The following DAAM1 variants were observed in gnomAD, a reference collection of about 807,000 sequenced individuals.
DAAM1 encodes the protein disheveled-associated activator of morphogenesis 1.
A neutral mutation model predicts 130.0 loss-of-function variants in DAAM1; 52 were observed. The observed-to-expected ratio is 0.40, with a 90% confidence interval of 0.32 to 0.50. The LOEUF (loss-of-function observed/expected upper bound fraction) is 0.50, where lower values mean the gene tolerates loss of function less well. DAAM1 is among the 20% of genes least tolerant of loss of function. The pLI, the probability that DAAM1 is intolerant of heterozygous loss-of-function variation, is 0.61. For missense variants in DAAM1, 1,134 were observed against 1,303.8 expected (o/e 0.87, Z 2.01); for synonymous variants, 452 against 444.5 (o/e 1.02, Z -0.21).
intron 16 of DAAM1, among the ~76,000 whole-genome samples, chr14:59,346,086 A>G (rs1308836064): frequency 7.2e-6 from 1 of 139,614 alleles, no homozygotes. Context: ...CTTTACGTGC[A>G]TTCATTTGCT....
chr14:59,251,248 C>T (rs1418479351), intron 1 of DAAM1, among the ~76,000 whole-genome samples: 1 of 152,168 alleles, frequency 6.6e-6, no homozygotes, highest in Non-Finnish European at 1.5e-5. Flanking sequence ...ATCTGCAGGT[C>T]AAATTCTTAG....
intron 1 of DAAM1, among the ~76,000 whole-genome samples, chr14:59,260,232 C>T (rs1322289961): frequency 6.6e-6 from 1 of 152,150 alleles, no homozygotes; most frequent in East Asian, 1.9e-4. Flanking sequence ...ATGCTCATTT[C>T]CCCCTCTAAT....
intron 1 of DAAM1, among the ~76,000 whole-genome samples, chr14:59,254,061 G>A (rs796507332): frequency 1.3e-5 from 2 of 152,152 alleles, no homozygotes; most frequent in South Asian, 2.1e-4. Context: ...ACCAAAGGGT[G>A]GACTGCTTGT....
chr14:59,212,076 G>C (rs1420509676), intron 1 of DAAM1, among the ~76,000 whole-genome samples: 1 of 151,922 alleles, frequency 6.6e-6, no homozygotes, highest in African/African-American at 2.4e-5. Context: ...TTTTTAATGG[G>C]GCTGATTCTA....
At chr14:59,225,260 T>C (rs1203326056) in intron 1 of DAAM1, among the ~76,000 whole-genome samples, 5 of 152,064 alleles carry the variant, frequency 3.3e-5, no homozygotes, top group Admixed American at 3.3e-4. Context: ...TCTCTTGACC[T>C]TGTGATCTGC....
At chr14:59,269,557 C>T (rs10138516) in intron 2 of DAAM1, among the ~76,000 whole-genome samples, 1,888 of 152,292 alleles carry the variant, frequency 0.012, 41 homozygotes, top group African/African-American at 0.044. Flanking sequence ...GTGCAGCTTA[C>T]GTGAGTAAAA....
At chr14:59,302,270 G>A (rs1594809568) in intron 3 of DAAM1, among the ~76,000 whole-genome samples, 1 of 152,196 alleles carries the variant, frequency 6.6e-6, no homozygotes, top group African/African-American at 2.4e-5. Flanking sequence ...CTGGAAGAGA[G>A]TAGAAGAGAA....
At chr14:59,288,192 A>G (rs1286018486) in intron 2 of DAAM1, among the ~76,000 whole-genome samples, 1 of 152,224 alleles carries the variant, frequency 6.6e-6, no homozygotes, top group Non-Finnish European at 1.5e-5. Flanking sequence ...TATTCAATAA[A>G]TGGTGGTAGG....
intron 17 of DAAM1, among the ~76,000 whole-genome samples, chr14:59,348,136 TAA>T (rs980411037): frequency 6.6e-6 from 1 of 152,228 alleles, no homozygotes; most frequent in African/African-American, 2.4e-5. Flanking sequence ...GTCTTGGGGC[TAA>T]GTCTTAACCT....
chr14:59,190,888 G>A (rs1887711498), intron 1 of DAAM1, among the ~76,000 whole-genome samples: 2 of 152,162 alleles, frequency 1.3e-5, no homozygotes, highest in Non-Finnish European at 2.9e-5. Context: ...ATATGGACAA[G>A]GCAGCTATGT....
At chr14:59,202,264 T>C (rs903134809) in intron 1 of DAAM1, among the ~76,000 whole-genome samples, 1 of 152,170 alleles carries the variant, frequency 6.6e-6, no homozygotes, top group Non-Finnish European at 1.5e-5. Flanking sequence ...CCTCAGTCTG[T>C]TTCATGTTGC....
chr14:59,210,550 A>G (rs750609429), intron 1 of DAAM1, among the ~76,000 whole-genome samples: 1 of 152,216 alleles, frequency 6.6e-6, no homozygotes. Flanking sequence ...TACATTTTAA[A>G]TGATCTAAAA....
intron 19 of DAAM1, among the ~76,000 whole-genome samples, chr14:59,354,572 C>G (rs1057207704): frequency 3.9e-5 from 6 of 152,156 alleles, no homozygotes; most frequent in Admixed American, 3.9e-4. Context: ...TTAGCTTCCT[C>G]ACAACAGAGC....
chr14:59,340,247 A>T, intron 16 of DAAM1, 67 bp downstream of exon 16: 4 of 1,456,854 alleles, frequency 2.7e-6, no homozygotes, highest in Non-Finnish European at 3.8e-6. Context: ...TCAAAACCAC[A>T]TGTTAGTGAT....
At chr14:59,283,296 A>G (rs990847807) in intron 2 of DAAM1, among the ~76,000 whole-genome samples, 6 of 152,304 alleles carry the variant, frequency 3.9e-5, no homozygotes, top group African/African-American at 1.2e-4. Context: ...TTTCCCATTC[A>G]TCAATAGTTA....
chr14:59,263,974 C>T (rs1278817486), intron 2 of DAAM1: 1 of 419,418 alleles, frequency 2.4e-6, no homozygotes, highest in Non-Finnish European at 4.5e-6. Flanking sequence ...CCATCCCAGT[C>T]CTTAGTCTAT....
At chr14:59,224,230 C>T (rs1298067868) in intron 1 of DAAM1, among the ~76,000 whole-genome samples, 1 of 152,210 alleles carries the variant, frequency 6.6e-6, no homozygotes, top group Non-Finnish European at 1.5e-5. Context: ...CCATCTGGTA[C>T]AGCAGCTGCA....
intron 1 of DAAM1, among the ~76,000 whole-genome samples, chr14:59,208,186 GAAATAA>G (rs1436146260): frequency 1.3e-5 from 2 of 152,210 alleles, no homozygotes; most frequent in South Asian, 2.1e-4. Context: ...ATGGTACTGA[GAAATAA>G]AAATAAAATC....
At chr14:59,252,086 T>G (rs1881671428) in intron 1 of DAAM1, among the ~76,000 whole-genome samples, 1 of 152,210 alleles carries the variant, frequency 6.6e-6, no homozygotes. Flanking sequence ...CTTAGCTCTC[T>G]CTAAACATTT....
Sources: allele counts gnomAD v4.1 joint callset (sites outside exome capture counted in the v4.1 genomes callset), GRCh38; gene constraint gnomAD v4.1.1; transcripts MANE v1.5; gene names NCBI Gene and HGNC (gene_info 2026-07-23, HGNC 2026-07-21).